WDFY3: variants seen among roughly 807,000 people sequenced by gnomAD.
WDFY3 encodes WD repeat and FYVE domain containing 3.
In WDFY3, 66 loss-of-function variants were observed where a neutral mutation model predicts 409.6. That is an observed-to-expected ratio of 0.16 (90% CI 0.13 to 0.20). The LOEUF (loss-of-function observed/expected upper bound fraction) is 0.20. Among genes scored for constraint, WDFY3 ranks in the 10% least tolerant of loss-of-function variants. The pLI is 1.00. For missense variants in WDFY3, 3,031 were observed against 4,298.1 expected (o/e 0.71, Z 8.24); for synonymous variants, 1,521 against 1,537.1 (o/e 0.99, Z 0.25).
intron 4 of WDFY3, among the ~76,000 whole-genome samples, chr4:84,856,826 A>G (rs1759822891): frequency 6.6e-6 from 1 of 152,170 alleles, no homozygotes; most frequent in South Asian, 2.1e-4. Context: ...CCTTTTTAGC[A>G]ATCATGGTAA....
chr4:84,924,180 TTAA>T (rs1769677051), intron 2 of WDFY3, among the ~76,000 whole-genome samples: 1 of 152,246 alleles, frequency 6.6e-6, no homozygotes, highest in Non-Finnish European at 1.5e-5. Flanking sequence ...TTGCAATGTT[TTAA>T]TACCTAACAA....
chr4:84,733,717 C>T (rs112601198), intron 43 of WDFY3, 108 bp from the exon 44 acceptor site: 4 of 1,044,260 alleles, frequency 3.8e-6, no homozygotes, highest in Admixed American at 2.5e-5. Context: ...ACACAATCCA[C>T]ACCATTTCAG....
chr4:84,856,576 G>T (rs1759792179), intron 4 of WDFY3, among the ~76,000 whole-genome samples: 1 of 152,122 alleles, frequency 6.6e-6, no homozygotes, highest in Non-Finnish European at 1.5e-5. Context: ...CAGCCTCCTT[G>T]TAGGACTGTA....
intron 1 of WDFY3, among the ~76,000 whole-genome samples, chr4:84,958,372 C>T (rs1774503252): frequency 6.6e-6 from 1 of 152,174 alleles, no homozygotes; most frequent in Non-Finnish European, 1.5e-5. Context: ...TATGTTTAAG[C>T]AGTTCTATAA....
intron 2 of WDFY3, among the ~76,000 whole-genome samples, chr4:84,900,870 A>G (rs1415838388): frequency 1.3e-5 from 2 of 152,244 alleles, no homozygotes; most frequent in South Asian, 2.1e-4. Flanking sequence ...AAACAGCATG[A>G]TAGTTTCTGT....
At chr4:84,691,539 T>G (rs1479177911) in intron 60 of WDFY3, 92 bp downstream of exon 60, 41 of 1,394,830 alleles carry the variant, frequency 2.9e-5, no homozygotes, top group Non-Finnish European at 3.8e-5. Flanking sequence ...GACAAGCCCT[T>G]GGACTGGGTT....
At chr4:84,756,199 T>G (rs2149326163) in intron 33 of WDFY3, among the ~76,000 whole-genome samples, 1 of 152,296 alleles carries the variant, frequency 6.6e-6, no homozygotes, top group African/African-American at 2.4e-5. Context: ...TAATCCGAAT[T>G]TGCACTGAGA....
intron 1 of WDFY3, among the ~76,000 whole-genome samples, chr4:84,951,733 T>G (rs147650875): frequency 6.6e-6 from 1 of 152,336 alleles, no homozygotes; most frequent in African/African-American, 2.4e-5. Context: ...ATTAAAATAG[T>G]GCTTGCCAAA....
chr4:84,836,905 G>T, intron 7 of WDFY3, 24 bp downstream of exon 7: 2 of 1,465,264 alleles, frequency 1.4e-6, no homozygotes, highest in Non-Finnish European at 1.8e-6. Flanking sequence ...TAGGGTGGAG[G>T]TAGGCAAATA....
At chr4:84,783,690 A>G (rs1376830973) in intron 24 of WDFY3, among the ~76,000 whole-genome samples, 2 of 152,220 alleles carry the variant, frequency 1.3e-5, no homozygotes, top group Admixed American at 6.5e-5. Flanking sequence ...CCAAGTAAAC[A>G]TAAGTTATCC....
At chr4:84,821,018 A>G (rs1466439563) in intron 11 of WDFY3, 66 bp downstream of exon 11, 9 of 1,400,126 alleles carry the variant, frequency 6.4e-6, no homozygotes, top group Admixed American at 2.6e-5. Flanking sequence ...AATGGGAACA[A>G]GAACAAAAAA....
rs578088748 is a variant in WDFY3, at chr4:84,952,704, T to C, written c.-226+13505A>G. 4.0e-5 allele frequency among the ~76,000 whole-genome samples: 6 copies of C among 151,866 alleles called. No individual in the cohort carries two copies. The South Asian group carries it at 1.2e-3, about 32-fold the overall frequency. On this transcript the variant is annotated intron_variant, in intron 1 of 67. Transcript: ENST00000295888. ...TCAGAAATAATTTAAACATTGCAACTTCAAAAAATAAAACAGCAAAATAAA... is the reference window on the plus strand; with the variant it reads ...TCAGAAATAATTTAAACATTGCAACCTCAAAAAATAAAACAGCAAAATAAA...
intron 3 of WDFY3, among the ~76,000 whole-genome samples, chr4:84,875,581 T>C (rs1578930751): frequency 6.6e-6 from 1 of 152,346 alleles, no homozygotes. Context: ...TTTCAAACTT[T>C]CAAATTTTTA....
chr4:84,718,291 T>C, intron 48 of WDFY3, 131 bp downstream of exon 48: 2 of 842,882 alleles, frequency 2.4e-6, no homozygotes, highest in Non-Finnish European at 1.8e-6. Context: ...GAATATGTAA[T>C]GATGAATGCA....
intron 54 of WDFY3, 145 bp from the exon 55 acceptor site, chr4:84,704,589 C>G: frequency 1.8e-6 from 1 of 567,388 alleles, no homozygotes; most frequent in Non-Finnish European, 3.1e-6. Context: ...AGCAGGAAAA[C>G]TTCAGGACAC....
At chr4:84,786,308 A>T (rs920076043) in intron 23 of WDFY3, among the ~76,000 whole-genome samples, 169 bp from the exon 24 acceptor site, 1 of 152,220 alleles carries the variant, frequency 6.6e-6, no homozygotes, top group African/African-American at 2.4e-5. Context: ...TTCTTTAATT[A>T]AAAGATGGAA....
At position 84,733,438 on chromosome 4, in the gene WDFY3, T is replaced by C; in HGVS notation, c.7165A>G (p.Met2389Val). The C allele has an allele frequency of 6.2e-7, 1 of 1,614,140 alleles. No individual in the cohort carries two copies. The change falls in exon 44 of 68, where the codon ATG becomes GTG. Residue 2389 changes from methionine to valine, a missense_variant. Physicochemically the swap from Met to Val is conservative, Grantham distance 21 (BLOSUM62 1). Transcript: ENST00000295888. Reference sequence around the variant, plus strand: ...ACGTAAGGGTAATGGTTATAAAACATATCATTTCGCACCATCTTTTTCCTC... The same window carrying C: ...ACGTAAGGGTAATGGTTATAAAACACATCATTTCGCACCATCTTTTTCCTC... ...RMRKKMVRND[M>V]FYNHYPYVPE...
At chr4:84,870,738 G>GAAAA (rs1302911926) in intron 3 of WDFY3, among the ~76,000 whole-genome samples, 1 of 152,056 alleles carries the variant, frequency 6.6e-6, no homozygotes, top group East Asian at 1.9e-4. Flanking sequence ...TCCAGGAAGG[G>GAAAA]AAAAGGAAGA....
chr4:84,952,770 CAAATTA>C (rs1773773383), intron 1 of WDFY3, among the ~76,000 whole-genome samples: 1 of 151,630 alleles, frequency 6.6e-6, no homozygotes. Flanking sequence ...CTGGATTTAG[CAAATTA>C]AGTGAAATAT....
Sources: gnomAD v4.1 joint callset for allele counts (sites outside exome capture counted in the v4.1 genomes callset) on GRCh38, gnomAD v4.1.1 for gene constraint, MANE v1.5 for transcripts, NCBI Gene and HGNC (gene_info 2026-07-23, HGNC 2026-07-21) for gene names.